Variants in SH3PXD2A observed in about 807,000 individuals in gnomAD.
SH3PXD2A encodes the protein SH3 and PX domains 2A, also known as SH3 and PX domain-containing protein 2A.
SH3PXD2A carries 32 observed loss-of-function variants against 115.2 expected under a neutral mutation model. That is an observed-to-expected ratio of 0.28 (90% CI 0.21 to 0.37). The LOEUF (loss-of-function observed/expected upper bound fraction) is 0.37, where lower values mean the gene tolerates loss of function less well. Among genes scored for constraint, SH3PXD2A ranks in the 10% least tolerant of loss-of-function variants. The probability of loss-of-function intolerance (pLI) is 1.00; values close to 1 mark genes in which losing one functional copy is unlikely to be tolerated. For missense variants in SH3PXD2A, 1,328 were observed against 1,498.7 expected (o/e 0.89, Z 1.88); for synonymous variants, 610 against 629.1 (o/e 0.97, Z 0.45).
chr10:103,721,866 C>G (rs939600568), intron 5 of SH3PXD2A, among the ~76,000 whole-genome samples: 1 of 152,070 alleles, frequency 6.6e-6, no homozygotes, highest in African/African-American at 2.4e-5. Context: ...TGAGGAGCTT[C>G]AGGACCACAG....
chr10:103,813,081 AT>A (rs1474240121), intron 1 of SH3PXD2A, among the ~76,000 whole-genome samples: 1 of 152,210 alleles, frequency 6.6e-6, no homozygotes, highest in African/African-American at 2.4e-5. Context: ...TTTCTATATC[AT>A]TATGGGAAAA....
At chr10:103,662,361 G>GGGGGTT (rs2037321883) in intron 7 of SH3PXD2A, among the ~76,000 whole-genome samples, 1 of 104,418 alleles carries the variant, frequency 9.6e-6, no homozygotes, top group African/African-American at 3.9e-5. Flanking sequence ...GGCGGGGGGG[G>GGGGGTT]ATAAGACACT....
chr10:103,697,538 T>C (rs1202382724), intron 5 of SH3PXD2A, among the ~76,000 whole-genome samples: 1 of 152,124 alleles, frequency 6.6e-6, no homozygotes, highest in African/African-American at 2.4e-5. Flanking sequence ...CTGGTCTCTG[T>C]CTAGCGCCGA....
intron 13 of SH3PXD2A, among the ~76,000 whole-genome samples, chr10:103,608,070 G>A (rs1431948417): frequency 3.6e-5 from 5 of 140,544 alleles, no homozygotes; most frequent in East Asian, 2.2e-4. Flanking sequence ...TCACTTGTTT[G>A]TCTGCTGACC....
chr10:103,631,254 G>C (rs544903076), intron 8 of SH3PXD2A, among the ~76,000 whole-genome samples: 21 of 152,208 alleles, frequency 1.4e-4, no homozygotes, highest in African/African-American at 4.8e-4. Context: ...GACAGGGCAA[G>C]ACTGCCTCTA....
At chr10:103,800,486 C>A (rs1330824022) in intron 2 of SH3PXD2A, among the ~76,000 whole-genome samples, 1 of 152,202 alleles carries the variant, frequency 6.6e-6, no homozygotes, top group Non-Finnish European at 1.5e-5. Context: ...CAGAGGGAAG[C>A]AGAGACAAGA....
intron 8 of SH3PXD2A, among the ~76,000 whole-genome samples, chr10:103,649,391 C>G (rs1473720104): frequency 6.6e-6 from 1 of 152,220 alleles, no homozygotes; most frequent in African/African-American, 2.4e-5. Flanking sequence ...CCAAGCTCCT[C>G]TTACGCAAAG....
rs114356827 is a variant in SH3PXD2A at position 103,830,252 on chromosome 10, A to G, written c.72+24943T>C. ...TGAGAACTGGGTAGGAAATTATAAA[A>G]AGAACTTTCATTCCAGACAAGGGAG... On this transcript the variant is annotated intron_variant, in intron 1 of 14. Transcript: ENST00000369774. Among the ~76,000 whole-genome samples the G allele has an allele frequency of 2.5e-3, 381 of 152,358 alleles. 3 individuals are homozygous for G. Among genetic ancestry groups the G allele is most frequent in the African/African-American group, 8.9e-3 (370 of 41,594 alleles).
chr10:103,691,113 C>T (rs2037745129), intron 6 of SH3PXD2A, among the ~76,000 whole-genome samples: 1 of 151,616 alleles, frequency 6.6e-6, no homozygotes, highest in Non-Finnish European at 1.5e-5. Flanking sequence ...CAGCTCTTGC[C>T]TTTATGGGGG....
Position 103,596,659 on chromosome 10 carries a change from A to ACT in SH3PXD2A, c.*5156_*5157insAG, listed in dbSNP as rs781020469. 0.13 allele frequency: 6,306 copies of ACT among 48,460 alleles called. 247 individuals carry two copies. The highest frequency in any genetic ancestry group is 0.47 in the East Asian group (1,079 of 2,294). 3.0% of individuals were successfully genotyped at this position (48,460 alleles called of 1,614,324 possible). On this transcript the variant is annotated 3_prime_UTR_variant, in exon 15 of 15. Coordinates refer to ENST00000369774, the MANE Select transcript of SH3PXD2A (RefSeq NM_001394015.1). Reference sequence around the variant, plus strand: ...GACACACACACACACACACACACACACACACTCTCTCTCTCTCTCTCTCTC... The same window carrying ACT: ...GACACACACACACACACACACACACACTCACACTCTCTCTCTCTCTCTCTCTC...
chr10:103,724,133 G>T (rs2038212876), intron 5 of SH3PXD2A, 137 bp downstream of exon 5: 2 of 453,164 alleles, frequency 4.4e-6, no homozygotes, highest in Non-Finnish European at 7.8e-6. Flanking sequence ...CATTCCTTTG[G>T]ACCACTGTTC....
In SH3PXD2A at chr10:103,599,475, C is replaced by T. The variant is rs1031326150; in HGVS notation, c.*2341G>A. ...GAGGAGCGAGGCTGCAGGGCCCTCC[C>T]CCTGGAAGATAGCTACATTGAAGGT... On this transcript the variant is annotated 3_prime_UTR_variant, in exon 15 of 15. Coordinates refer to ENST00000369774, the MANE Select transcript of SH3PXD2A (RefSeq NM_001394015.1). 1.4e-4 allele frequency: 21 copies of T among 152,664 alleles called. No individual in the cohort carries two copies. The highest frequency in any genetic ancestry group is 1.1e-3 in the Admixed American group (17 of 15,292). The allele number at this position is 152,664 out of a possible 1,614,324, so 9.5% of individuals were successfully genotyped here. A position where few individuals can be genotyped will look rare whatever the true frequency, so the allele number is the denominator to read the frequency against.
At chr10:103,852,124 A>G (rs1842902437) in intron 1 of SH3PXD2A, among the ~76,000 whole-genome samples, 1 of 152,220 alleles carries the variant, frequency 6.6e-6, no homozygotes, top group Non-Finnish European at 1.5e-5. Context: ...GAAAGCCAGG[A>G]AAGGAGCCTA....
intron 1 of SH3PXD2A, among the ~76,000 whole-genome samples, chr10:103,852,364 C>A (rs891084115): frequency 6.6e-6 from 1 of 152,274 alleles, no homozygotes; most frequent in Non-Finnish European, 1.5e-5. Flanking sequence ...CTGAGAGAAC[C>A]TTTGCAGTGT....
intron 9 of SH3PXD2A, among the ~76,000 whole-genome samples, chr10:103,625,206 G>A (rs1306484168): frequency 6.6e-6 from 1 of 152,170 alleles, no homozygotes; most frequent in Non-Finnish European, 1.5e-5. Flanking sequence ...CACCTCTCGT[G>A]CGCTTTCCTG....
intron 3 of SH3PXD2A, among the ~76,000 whole-genome samples, chr10:103,744,386 C>T (rs1485578595): frequency 1.3e-5 from 2 of 151,916 alleles, no homozygotes; most frequent in African/African-American, 2.4e-5. Context: ...CTCCCGACCT[C>T]AGGTGATCCG....
intron 13 of SH3PXD2A, chr10:103,610,130 C>G (rs546051240): frequency 6.6e-6 from 1 of 152,290 alleles, no homozygotes; most frequent in African/African-American, 2.4e-5. Context: ...CCAGTTGAAA[C>G]TGAGCTGAGG....
At chr10:103,638,409 G>A (rs139235997) in intron 8 of SH3PXD2A, among the ~76,000 whole-genome samples, 84 of 152,362 alleles carry the variant, frequency 5.5e-4, no homozygotes, top group Middle Eastern at 3.4e-3. Flanking sequence ...CTGGGTCCCC[G>A]CCAAGCCCAC....
rs375455636 is a variant in SH3PXD2A, at chr10:103,598,082, C to T, written c.*3734G>A. The T allele has an allele frequency of 1.3e-5, 2 of 152,628 alleles. No homozygotes were observed. Among genetic ancestry groups the T allele is most frequent in the African/African-American group, 2.4e-5 (1 of 41,436 alleles). 9.5% of individuals were successfully genotyped at this position (152,628 alleles called of 1,614,324 possible). On this transcript the variant is annotated 3_prime_UTR_variant, in exon 15 of 15. Transcript: ENST00000369774. ...AATGGATATAAATGCCTGTAAAATA[C>T]GCTGCTCTAACATCTGAAAGTGATT...
Sources: allele counts gnomAD v4.1 joint callset (sites outside exome capture counted in the v4.1 genomes callset), GRCh38; gene constraint gnomAD v4.1.1; transcripts MANE v1.5; gene names NCBI Gene and HGNC (gene_info 2026-07-23, HGNC 2026-07-21).